The following CSN3 variants were observed in gnomAD, a reference collection of about 807,000 sequenced individuals.
CSN3 encodes the protein kappa-casein.
CSN3 carries 7 observed loss-of-function variants against 9.9 expected under a neutral mutation model. The ratio of observed to expected loss-of-function variants is 0.71; its 90% CI spans 0.40 to 1.33. CSN3 has a LOEUF of 1.33. Ranked by LOEUF, CSN3 falls within the 40% of genes most tolerant of loss-of-function variation. CSN3 has a pLI of 0.01. For missense variants in CSN3, 253 were observed against 227.9 expected (o/e 1.11, Z -0.71); for synonymous variants, 88 against 82.3 (o/e 1.07, Z -0.37).
At chr4:70,247,961 A>G in intron 3 of CSN3, 111 bp downstream of exon 3, 1 of 680,524 alleles carries the variant, frequency 1.5e-6, no homozygotes, top group South Asian at 3.1e-5. Flanking sequence ...TTTCATTTCC[A>G]TAAAACAATC....
At position 70,249,269 on chromosome 4, in the gene CSN3, TC is replaced by T. The variant is rs762617305; in HGVS notation, c.365del (p.Pro122GlnfsTer8). On this transcript the variant is annotated frameshift_variant, in exon 4 of 5. Transcript: ENST00000304954. LOFTEE classifies it low-confidence loss of function (END_TRUNC). The stretch of plus-strand genomic sequence containing the variant: ...AACCTGCATCCATCATTTATTGCCA[TC>T]CCCCCAAAGAAAATTCAGGATAAAA... 1.2e-6 allele frequency: 2 copies of T among 1,613,844 alleles called. No homozygotes were observed. Among genetic ancestry groups the T allele is most frequent in the Non-Finnish European group, 1.7e-6 (2 of 1,179,972 alleles).
intron 2 of CSN3, among the ~76,000 whole-genome samples, chr4:70,247,569 G>A (rs1730405050): frequency 6.6e-6 from 1 of 151,940 alleles, no homozygotes; most frequent in African/African-American, 2.4e-5. Context: ...TTCCCACAGT[G>A]ACTTTTTCAT....
intron 2 of CSN3, among the ~76,000 whole-genome samples, chr4:70,245,443 G>A (rs1386066238): frequency 6.6e-6 from 1 of 152,092 alleles, no homozygotes; most frequent in Non-Finnish European, 1.5e-5. Flanking sequence ...GGGATCAATG[G>A]TTATAAACAG....
chr4:70,250,898 G>A (rs1398812155), intron 4 of CSN3, among the ~76,000 whole-genome samples: 1 of 152,074 alleles, frequency 6.6e-6, no homozygotes, highest in Admixed American at 6.6e-5. Context: ...CTGTTCAACA[G>A]GATATCCATT....
chr4:70,244,861 C>T (rs753400244), exon 2 of CSN3: 5 of 1,564,490 alleles, frequency 3.2e-6, no homozygotes, highest in Non-Finnish European at 3.5e-6. Flanking sequence ...TGGCATTAAC[C>T]CTGCCTTTTT....
At chr4:70,250,725 A>C (rs1317847067) in intron 4 of CSN3, among the ~76,000 whole-genome samples, 1 of 152,176 alleles carries the variant, frequency 6.6e-6, no homozygotes, top group African/African-American at 2.4e-5. Context: ...TCACAGCTAG[A>C]AATTGCAAAT....
chr4:70,242,283 ATTTT>A (rs1730288077), upstream of CSN3, among the ~76,000 whole-genome samples: 1 of 18,594 alleles, frequency 5.4e-5, no homozygotes, highest in Non-Finnish European at 9.6e-5. Flanking sequence ...TTTCTTTTTT[ATTTT>A]ATTTTATTTT....
upstream of CSN3, among the ~76,000 whole-genome samples, chr4:70,239,228 AAAAG>A (rs1455181665): frequency 6.6e-6 from 1 of 151,828 alleles, no homozygotes; most frequent in African/African-American, 2.4e-5. Flanking sequence ...GGGGGAAAAA[AAAAG>A]AAGGAAAAGT....
intron 3 of CSN3, 121 bp downstream of exon 3, chr4:70,247,971 C>A: frequency 3.3e-6 from 2 of 609,890 alleles, no homozygotes; most frequent in Non-Finnish European, 5.3e-6. Flanking sequence ...ATAAAACAAT[C>A]TAATAATATT....
rs141141270 is a variant in CSN3 at position 70,247,836 on chromosome 4, C to G, written c.73C>G (p.Gln25Glu). The G allele has an allele frequency of 1.0e-4, 166 of 1,596,418 alleles. No individual in the cohort carries two copies. The African/African-American group carries it at 2.1e-3, about 21-fold the overall frequency. ...TCCCCAGGCTGTGGAGGTTCAAAAC[C>G]AGAAACAACCAGCAGTAAGTCTATT... The change falls in exon 3 of 5, where the codon CAG becomes GAG. Residue 25 changes from glutamine to glutamate, a missense_variant. Coordinates refer to ENST00000304954, the Ensembl canonical transcript of CSN3.
chr4:70,247,985 A>C, intron 3 of CSN3, 135 bp downstream of exon 3: 1 of 578,152 alleles, frequency 1.7e-6, no homozygotes, highest in East Asian at 3.4e-5. Flanking sequence ...TAATATTTGC[A>C]AGAAAATAAT....
intron 2 of CSN3, among the ~76,000 whole-genome samples, chr4:70,245,147 T>G (rs1386171177): frequency 6.6e-6 from 1 of 152,044 alleles, no homozygotes; most frequent in Admixed American, 6.6e-5. Flanking sequence ...GAAAATACAT[T>G]CAGGGGAAAA....
In CSN3 at chr4:70,244,797, T is replaced by A. The variant is rs192633784; in HGVS notation, c.-8-15T>A. 3.4e-4 allele frequency: 491 copies of A among 1,437,920 alleles called. No homozygotes were observed. Among genetic ancestry groups the A allele is most frequent in the African/African-American group, 1.4e-3 (98 of 69,794 alleles). 89.1% of individuals were successfully genotyped at this position (1,437,920 alleles called of 1,614,324 possible). On this transcript the variant is annotated splice_polypyrimidine_tract_variant and intron_variant, in intron 1 of 4. Coordinates refer to ENST00000304954, the Ensembl canonical transcript of CSN3. ...AAATTCTTTTAAATTAATTTTTTTT[T>A]AAATTTATCTTTAGGTGCAATAATG...
chr4:70,238,717 G>A (rs571100085), upstream of CSN3, among the ~76,000 whole-genome samples: 65 of 151,838 alleles, frequency 4.3e-4, no homozygotes, highest in Non-Finnish European at 7.8e-4. Flanking sequence ...ACAAAGGTCA[G>A]ATTAGAAAGT....
chr4:70,245,721 A>G (rs1730364729), intron 2 of CSN3, among the ~76,000 whole-genome samples: 1 of 152,102 alleles, frequency 6.6e-6, no homozygotes, highest in Non-Finnish European at 1.5e-5. Flanking sequence ...ATATTTATTT[A>G]TTATTAAGTT....
chr4:70,248,196 C>A (rs1462752041), intron 3 of CSN3, among the ~76,000 whole-genome samples: 1 of 152,108 alleles, frequency 6.6e-6, no homozygotes, highest in Admixed American at 6.6e-5. Context: ...AAGGGAAGAT[C>A]CTTTTCTGAC....
chr4:70,247,898 T>C (rs777314287), intron 3 of CSN3, 48 bp downstream of exon 3: 5 of 1,457,380 alleles, frequency 3.4e-6, no homozygotes, highest in East Asian at 2.3e-5. Flanking sequence ...CTACAAAATA[T>C]ATTCTGCAAA....
chr4:70,244,604 C>T (rs767588871), intron 1 of CSN3, among the ~76,000 whole-genome samples: 8 of 151,986 alleles, frequency 5.3e-5, no homozygotes, highest in African/African-American at 1.7e-4. Flanking sequence ...TTGATAATTC[C>T]GTTAATATTG....
At chr4:70,239,390 T>C (rs1479706178), upstream of CSN3, among the ~76,000 whole-genome samples, 1 of 151,846 alleles carries the variant, frequency 6.6e-6, no homozygotes, top group Non-Finnish European at 1.5e-5. Flanking sequence ...GTAACAAGAA[T>C]GACAAGAATG....
Sources: gnomAD v4.1 joint callset for allele counts (sites outside exome capture counted in the v4.1 genomes callset) on GRCh38, gnomAD v4.1.1 for gene constraint, MANE v1.5 for transcripts, NCBI Gene and HGNC (gene_info 2026-07-23, HGNC 2026-07-21) for gene names.